The following VWA3A variants were observed in gnomAD, a reference collection of about 807,000 sequenced individuals.
VWA3A encodes von Willebrand factor A domain containing 3A.
Under a neutral mutation model 160.4 loss-of-function variants are expected in VWA3A, and 134 were observed. That is an observed-to-expected ratio of 0.84 (90% confidence interval 0.73 to 0.96). VWA3A has a LOEUF of 0.96. VWA3A is among the 40% of genes least tolerant of loss of function. The pLI is 0.00. For synonymous variants in VWA3A, 476 were observed against 543.4 expected (o/e 0.88, Z 1.72); for missense variants, 1,310 against 1,447.9 (o/e 0.90, Z 1.55).
chr16:22,136,768 C>T (rs910953652), intron 21 of VWA3A, among the ~76,000 whole-genome samples: 8 of 152,040 alleles, frequency 5.3e-5, no homozygotes, highest in Admixed American at 4.6e-4. Flanking sequence ...CGTAGTGGCT[C>T]ATGCCTGTAA....
At chr16:22,128,813 G>A (rs559481458) in intron 17 of VWA3A, among the ~76,000 whole-genome samples, 12 of 152,162 alleles carry the variant, frequency 7.9e-5, no homozygotes, top group Non-Finnish European at 1.3e-4. Context: ...ATAATCCTTA[G>A]CAAACTAACA....
chr16:22,139,438 G>C lies in VWA3A; in HGVS notation c.2293-716G>C, dbSNP rs1411310744. On this transcript the variant is annotated intron_variant, in intron 22 of 33. Transcript: ENST00000389398. ...GGGCCAGGTGCAGTGGCTCACACCT[G>C]TAATCCCAGCACTTTGGGAGGCCAA... 2.0e-5 allele frequency among the ~76,000 whole-genome samples: 3 copies of C among 152,170 alleles called. No homozygotes were observed. The East Asian group carries it at 5.8e-4, about 29-fold the overall frequency.
chr16:22,119,250 T>C (rs1159386181), intron 12 of VWA3A, among the ~76,000 whole-genome samples: 1 of 152,152 alleles, frequency 6.6e-6, no homozygotes, highest in Non-Finnish European at 1.5e-5. Context: ...ATTTACTAAC[T>C]GTAAAATTTA....
chr16:22,117,111 G>C lies in VWA3A; in HGVS notation c.925G>C (p.Ala309Pro). Residue 309 changes from alanine (A) to proline (P), a missense_variant and splice_region_variant, in exon 11 of 34, where the codon GCT (alanine) becomes CCT (proline). Ala to Pro is a conservative substitution (Grantham distance 27, BLOSUM62 -1). Coordinates refer to ENST00000389398, the MANE Select transcript of VWA3A (RefSeq NM_173615.5). The part of the protein sequence containing the change: ...TYRCDDQMPP[A>P]VLKNLAEAVR... ...CCTGACCCTGGCCTCATCCCTGCAG[G>C]CTGTCCTGAAGAACCTTGCAGAAGC... 6.3e-7 allele frequency: 1 copy of C among 1,579,224 alleles called. No individual in the cohort carries two copies. Among genetic ancestry groups the C allele is most frequent in the Non-Finnish European group, 8.6e-7 (1 of 1,162,194 alleles).
At position 22,118,501 on chromosome 16, in the gene VWA3A, C is replaced by G. The variant is rs571571183; in HGVS notation, c.991-401C>G. Among the ~76,000 whole-genome samples the G allele has an allele frequency of 2.0e-5, 3 of 151,896 alleles. No homozygotes were observed. In the South Asian group the frequency reaches 6.2e-4, roughly 32 times the overall value. On this transcript the variant is annotated intron_variant, in intron 11 of 33. Transcript: ENST00000389398. Reference sequence around the variant, plus strand: ...GAGATTGAGACCATCCTGGCTAACACGGTGAAACCCCGTCTCTACTAAAAA... The same window carrying G: ...GAGATTGAGACCATCCTGGCTAACAGGGTGAAACCCCGTCTCTACTAAAAA...
Position 22,126,189 on chromosome 16 carries a change from T to C in VWA3A, c.1544T>C (p.Leu515Pro). The C allele has an allele frequency of 6.2e-7, 1 of 1,613,932 alleles. No homozygotes were observed. Among genetic ancestry groups the C allele is most frequent in the Non-Finnish European group, 8.5e-7 (1 of 1,179,850 alleles). The change falls in exon 17 of 34, where the codon CTG (leucine) becomes CCG (proline). Residue 515 changes from leucine to proline, a missense_variant. Transcript: ENST00000389398. ...GTGTTTCCTTTTAGGGTGGTTGTAC[T>C]GCTCGATATCTCTGCGACCAATTCC... ...GTVCEKRVVVLLDISATNSMY... is the reference protein window; with the variant it reads ...GTVCEKRVVVPLDISATNSMY...
At chr16:22,100,600 C>T (rs1247308333) in intron 5 of VWA3A, 107 bp downstream of exon 5, 18 of 1,089,862 alleles carry the variant, frequency 1.7e-5, no homozygotes, top group South Asian at 8.6e-5. Context: ...TTTGGGAGGC[C>T]GAGGCAGGTG....
intron 31 of VWA3A, among the ~76,000 whole-genome samples, chr16:22,153,794 C>G (rs2046389686): frequency 7.2e-6 from 1 of 138,374 alleles, no homozygotes; most frequent in African/African-American, 2.8e-5. Flanking sequence ...GGCTAGAGTG[C>G]AGAGGAACAA....
chr16:22,151,583 G>A (rs917310111), intron 30 of VWA3A, among the ~76,000 whole-genome samples: 2 of 152,118 alleles, frequency 1.3e-5, no homozygotes, highest in African/African-American at 4.8e-5. Flanking sequence ...TATAGACCAT[G>A]TGCTATGACC....
At chr16:22,108,553 G>A (rs1393776085) in intron 6 of VWA3A, among the ~76,000 whole-genome samples, 1 of 152,164 alleles carries the variant, frequency 6.6e-6, no homozygotes, top group East Asian at 1.9e-4. Flanking sequence ...ATCACTTGCT[G>A]GGAGAGTACA....
At chr16:22,112,615 A>G (rs2045568850) in intron 8 of VWA3A, among the ~76,000 whole-genome samples, 1 of 152,142 alleles carries the variant, frequency 6.6e-6, no homozygotes, top group African/African-American at 2.4e-5. Flanking sequence ...GCTACTCGGG[A>G]GGCTAAGGTG....
chr16:22,126,239 T>C lies in VWA3A; in HGVS notation c.1594T>C (p.Ser532Pro), dbSNP rs567545008. The C allele has an allele frequency of 6.2e-6, 10 of 1,613,910 alleles. No homozygotes were observed. The Admixed American group carries it at 8.3e-5, about 13-fold the overall frequency. ...NSMYIIHIQH[S>P]LRLLLEEQLS... ...CATGTACATTATTCATATCCAGCACTCCCTGCGGCTGCTGCTGGAGGAGCA... is the reference window on the plus strand; with the variant it reads ...CATGTACATTATTCATATCCAGCACCCCCTGCGGCTGCTGCTGGAGGAGCA... Residue 532 changes from serine (S) to proline (P), a missense_variant, in exon 17 of 34, where the codon TCC (serine) becomes CCC (proline). Coordinates refer to ENST00000389398, the MANE Select transcript of VWA3A (RefSeq NM_173615.5).
chr16:22,113,727 T>C (rs1474393248), intron 8 of VWA3A, among the ~76,000 whole-genome samples: 1 of 152,006 alleles, frequency 6.6e-6, no homozygotes, highest in Admixed American at 6.6e-5. Context: ...GCCTCCCCAG[T>C]AGCAGGGACT....
chr16:22,146,387 GA>G (rs2046251941), intron 27 of VWA3A, 43 bp downstream of exon 27: 1 of 1,565,220 alleles, frequency 6.4e-7, no homozygotes, highest in Non-Finnish European at 8.7e-7. Flanking sequence ...AGCATGAGGG[GA>G]TGTAGAAGGC....
chr16:22,099,323 T>C (rs957308470), intron 3 of VWA3A, among the ~76,000 whole-genome samples: 5 of 152,188 alleles, frequency 3.3e-5, no homozygotes, highest in Non-Finnish European at 5.9e-5. Flanking sequence ...CACTCCTTCA[T>C]GGAGGTGGTC....
intron 21 of VWA3A, 79 bp downstream of exon 21, chr16:22,134,517 G>C: frequency 7.8e-7 from 1 of 1,286,560 alleles, no homozygotes; most frequent in Non-Finnish European, 1.1e-6. Context: ...CCACAAACTG[G>C]GTGGCTTAAA....
rs2045775254 is a variant in VWA3A at position 22,123,086 on chromosome 16, A to T, written c.1358A>T (p.Lys453Met). The change falls in exon 15 of 34, where the codon AAG becomes ATG. Residue 453 changes from lysine to methionine, a missense_variant and splice_region_variant. By Grantham distance (95) the Lys-to-Met change is moderately conservative. Transcript: ENST00000389398. ...QKTVSSTIHE[K>M]AMIQFEWHDG... ...CCTCCTGCCCATGCCTGAGTATAGA[A>T]GGCAATGATACAATTTGAATGGCAC... 6.3e-7 allele frequency: 1 copy of T among 1,599,744 alleles called. No individual in the cohort carries two copies. Among genetic ancestry groups the T allele is most frequent in the African/African-American group, 1.3e-5 (1 of 74,764 alleles).
chr16:22,139,409 G>T (rs2046102915), intron 22 of VWA3A, among the ~76,000 whole-genome samples: 2 of 152,174 alleles, frequency 1.3e-5, no homozygotes, highest in South Asian at 4.1e-4. Context: ...AAACTGAGGT[G>T]TCTGGGCCAG....
At chr16:22,111,702 C>T (rs777409290) in intron 8 of VWA3A, among the ~76,000 whole-genome samples, 12 of 151,306 alleles carry the variant, frequency 7.9e-5, no homozygotes, top group African/African-American at 2.4e-4. Context: ...AAGCTGGTCT[C>T]GAACTCCTGA....
Sources: gnomAD v4.1 joint callset for allele counts (sites outside exome capture counted in the v4.1 genomes callset) on GRCh38, gnomAD v4.1.1 for gene constraint, MANE v1.5 for transcripts, NCBI Gene and HGNC (gene_info 2026-07-23, HGNC 2026-07-21) for gene names.